ABHD17C: variants seen among roughly 807,000 people sequenced by gnomAD.
ABHD17C encodes abhydrolase domain containing 17C, depalmitoylase, also known as alpha/beta hydrolase domain-containing protein 17C.
ABHD17C carries 11 observed loss-of-function variants against 27.9 expected under a neutral mutation model. That is an observed-to-expected ratio of 0.39 (90% CI 0.25 to 0.65). ABHD17C has a LOEUF of 0.65. Among genes scored for constraint, ABHD17C ranks in the 30% least tolerant of loss-of-function variants. The pLI is 0.45. For synonymous variants in ABHD17C, 233 were observed against 209.1 expected, an observed-to-expected ratio of 1.11 and a Z score of -0.98; for missense variants, 280 against 470.2, an observed-to-expected ratio of 0.60 and a Z score of 3.74.
At chr15:80,714,702 G>A (rs1455482087) in intron 1 of ABHD17C, among the ~76,000 whole-genome samples, 2 of 151,950 alleles carry the variant, frequency 1.3e-5, no homozygotes, top group African/African-American at 4.8e-5. Flanking sequence ...TGTGGATTTT[G>A]TAGTGTTTTA....
chr15:80,704,238 C>T (rs1160153177), intron 1 of ABHD17C, among the ~76,000 whole-genome samples: 1 of 152,108 alleles, frequency 6.6e-6, no homozygotes, highest in East Asian at 1.9e-4. Context: ...TGCCCTGTTC[C>T]TCTCTCTCCA....
intron 1 of ABHD17C, among the ~76,000 whole-genome samples, chr15:80,697,975 G>T (rs944998248): frequency 6.6e-6 from 1 of 151,414 alleles, no homozygotes; most frequent in Non-Finnish European, 1.5e-5. Flanking sequence ...ATACACGTCT[G>T]TATCCACATA....
intron 1 of ABHD17C, among the ~76,000 whole-genome samples, chr15:80,722,150 C>T (rs147147130): frequency 0.011 from 1,716 of 152,056 alleles, 55 homozygotes; most frequent in Admixed American, 0.056. Context: ...CCTTCAGTTA[C>T]CGAGAAGCGC....
intron 1 of ABHD17C, among the ~76,000 whole-genome samples, chr15:80,747,730 G>T (rs773326955): frequency 6.6e-6 from 1 of 152,184 alleles, no homozygotes; most frequent in African/African-American, 2.4e-5. Flanking sequence ...AGTTTTATTG[G>T]ATGGTGTCAA....
intron 1 of ABHD17C, among the ~76,000 whole-genome samples, chr15:80,734,460 C>T (rs1239238816): frequency 6.6e-6 from 1 of 152,218 alleles, no homozygotes. Flanking sequence ...ATTATTAGAA[C>T]AGTTTCATGC....
chr15:80,738,384 G>A (rs180979429), intron 1 of ABHD17C, among the ~76,000 whole-genome samples: 77 of 152,296 alleles, frequency 5.1e-4, no homozygotes, highest in African/African-American at 1.8e-3. Context: ...TGTACAGGCA[G>A]CAAGAGTAAG....
intron 1 of ABHD17C, among the ~76,000 whole-genome samples, chr15:80,710,821 C>G (rs923311735): frequency 6.6e-6 from 1 of 152,028 alleles, no homozygotes; most frequent in East Asian, 1.9e-4. Context: ...TCTTCCTGCC[C>G]CTGCCTCTGC....
Position 80,752,279 on chromosome 15 carries a change from A to G in ABHD17C, c.771-1872A>G, listed in dbSNP as rs186489731. 5.8e-4 allele frequency among the ~76,000 whole-genome samples: 88 copies of G among 152,354 alleles called. 1 individual carries two copies. Among genetic ancestry groups the G allele is most frequent in the African/African-American group, 1.9e-3 (81 of 41,592 alleles). On this transcript the variant is annotated intron_variant, in intron 2 of 2. Coordinates refer to ENST00000258884, the MANE Select transcript of ABHD17C (RefSeq NM_021214.2). ...TTTCCAAATAAGATTTCTAAAGTGCATAATTGAATACTGCCACAGTGGCTC... is the reference window on the plus strand; with the variant it reads ...TTTCCAAATAAGATTTCTAAAGTGCGTAATTGAATACTGCCACAGTGGCTC...
chr15:80,735,812 A>G (rs951971941), intron 1 of ABHD17C, among the ~76,000 whole-genome samples: 1 of 152,098 alleles, frequency 6.6e-6, no homozygotes, highest in Admixed American at 6.5e-5. Context: ...GCCTACATTT[A>G]TACTTGGTTT....
At chr15:80,741,818 T>G (rs146137164) in intron 1 of ABHD17C, among the ~76,000 whole-genome samples, 1 of 152,326 alleles carries the variant, frequency 6.6e-6, no homozygotes, top group East Asian at 1.9e-4. Flanking sequence ...ATCGCCTCTC[T>G]TGTGCTTTGG....
At chr15:80,714,910 T>C (rs1271024903) in intron 1 of ABHD17C, among the ~76,000 whole-genome samples, 1 of 152,190 alleles carries the variant, frequency 6.6e-6, no homozygotes, top group East Asian at 1.9e-4. Flanking sequence ...TTTCAACAAA[T>C]TGAGTACTTG....
At chr15:80,744,532 G>A (rs1467318745) in intron 1 of ABHD17C, among the ~76,000 whole-genome samples, 1 of 152,178 alleles carries the variant, frequency 6.6e-6, no homozygotes, top group Non-Finnish European at 1.5e-5. Flanking sequence ...ACAGGAAAAA[G>A]CAATGGCAAA....
chr15:80,699,273 G>A (rs1488400430), intron 1 of ABHD17C, among the ~76,000 whole-genome samples: 1 of 152,190 alleles, frequency 6.6e-6, no homozygotes, highest in African/African-American at 2.4e-5. Flanking sequence ...ATAATAGGTA[G>A]TCATTGGTAT....
intron 1 of ABHD17C, among the ~76,000 whole-genome samples, chr15:80,699,568 C>T (rs776420583): frequency 6.6e-6 from 1 of 152,174 alleles, no homozygotes; most frequent in Non-Finnish European, 1.5e-5. Context: ...TTATCCATTA[C>T]CTATTTGTGC....
In ABHD17C at chr15:80,705,366, T is replaced by TGTGTGTGTGTGTGTGTGTGTGTGTGG. The variant is rs1300324609; in HGVS notation, c.590+9348_590+9349insTGTGTGTGTGTGTGTGTGTGTGTGGG. Among the ~76,000 whole-genome samples, 326 of 150,732 alleles carry TGTGTGTGTGTGTGTGTGTGTGTGTGG rather than the reference T, an allele frequency of 2.2e-3. 1 individual carries two copies. Among genetic ancestry groups the TGTGTGTGTGTGTGTGTGTGTGTGTGG allele is most frequent in the Middle Eastern group, 0.014 (4 of 292 alleles). ...GTGTGTGTGTGTGTGTGTGTGTGTG[T>TGTGTGTGTGTGTGTGTGTGTGTGTGG]GGTTAGGAGCATATATTTTAGAGTT... On this transcript the variant is annotated intron_variant, in intron 1 of 2. Transcript: ENST00000258884.
chr15:80,715,423 T>G (rs753358237), intron 1 of ABHD17C, among the ~76,000 whole-genome samples: 22 of 152,240 alleles, frequency 1.4e-4, no homozygotes, highest in Non-Finnish European at 2.1e-4. Flanking sequence ...CACTGTTTAA[T>G]CTCTGTGCCT....
At chr15:80,750,795 T>C (rs189891351) in intron 2 of ABHD17C, among the ~76,000 whole-genome samples, 49 of 152,158 alleles carry the variant, frequency 3.2e-4, no homozygotes, top group Middle Eastern at 3.4e-3. Context: ...GAATTGGTAA[T>C]GAGAGGCCAG....
At chr15:80,744,746 TA>T (rs1435303530) in intron 1 of ABHD17C, among the ~76,000 whole-genome samples, 5 of 152,354 alleles carry the variant, frequency 3.3e-5, no homozygotes, top group South Asian at 2.1e-4. Flanking sequence ...GAAGAAAAGC[TA>T]CTCAGTCTCA....
At chr15:80,710,196 G>C (rs1312399896) in intron 1 of ABHD17C, among the ~76,000 whole-genome samples, 2 of 152,164 alleles carry the variant, frequency 1.3e-5, no homozygotes, top group Non-Finnish European at 2.9e-5. Flanking sequence ...CCTAAGATGG[G>C]GCATGGTTGG....
Sources: gnomAD v4.1 joint callset for allele counts (sites outside exome capture counted in the v4.1 genomes callset) on GRCh38, gnomAD v4.1.1 for gene constraint, MANE v1.5 for transcripts, NCBI Gene and HGNC (gene_info 2026-07-23, HGNC 2026-07-21) for gene names.